TRMT11: variants seen among roughly 807,000 people sequenced by gnomAD.
The protein encoded by TRMT11 is tRNA methyltransferase 11.
In TRMT11, 53 loss-of-function variants were observed where a neutral mutation model predicts 62.8. The ratio of observed to expected loss-of-function variants is 0.84; its 90% CI spans 0.68 to 1.06. The LOEUF (loss-of-function observed/expected upper bound fraction) is 1.06. Ranked by LOEUF, TRMT11 falls within the 50% of genes least tolerant of loss-of-function variation. The probability of loss-of-function intolerance (pLI) is 0.00; values close to 1 mark genes in which losing one functional copy is unlikely to be tolerated. For synonymous variants in TRMT11, 188 were observed against 190.3 expected (o/e 0.99, Z 0.10); for missense variants, 556 against 553.4 (o/e 1.00, Z -0.05).
At chr6:126,211,183 C>G in the TRMT11 span, among the ~76,000 whole-genome samples, 5 of 152,050 alleles carry the variant, frequency 3.3e-5, no homozygotes, top group Non-Finnish European at 4.4e-5. Context: ...ACTGTCTGGT[C>G]CTTAGCATCA....
At chr6:126,080,301 G>C (rs1777134761) in intron 17 of TRMT11, among the ~76,000 whole-genome samples, 1 of 151,832 alleles carries the variant, frequency 6.6e-6, no homozygotes, top group African/African-American at 2.4e-5. Context: ...GGTAGAGAAA[G>C]GGTCTCACTG....
the TRMT11 span, among the ~76,000 whole-genome samples, chr6:126,211,290 T>C: frequency 6.6e-6 from 1 of 152,190 alleles, no homozygotes; most frequent in Non-Finnish European, 1.5e-5. Flanking sequence ...CATTCCATCT[T>C]GGTGCTTTGA....
chr6:126,155,431 C>G lies in TRMT11; in HGVS notation c.*1824-19394C>G, dbSNP rs376633133. ...CAAACATCCAAACTATATCATTCTG[C>G]CTCTGGCCCCTCAAATCTCATATCC... On this transcript the variant is annotated intron_variant and NMD_transcript_variant, in intron 21 of 22. Coordinates refer to the TRMT11 transcript ENST00000648977. 2.9e-4 allele frequency among the ~76,000 whole-genome samples: 44 copies of G among 152,250 alleles called. No homozygotes were observed. The South Asian group carries it at 8.5e-3, about 29-fold the overall frequency.
At position 126,078,646 on chromosome 6, in the gene TRMT11, G is replaced by A. The variant is rs73773354; in HGVS notation, c.*1437+25456G>A. ...TGCTTTGAGGACACACTTGGCCAGT[G>A]CCGTGAGCATGCACGTAGCCCCATC... On this transcript the variant is annotated intron_variant and NMD_transcript_variant, in intron 17 of 22. Coordinates refer to the TRMT11 transcript ENST00000648977. 3.8e-3 allele frequency among the ~76,000 whole-genome samples: 586 copies of A among 152,266 alleles called. 5 individuals carry two copies. The highest frequency in any genetic ancestry group is 0.013 in the African/African-American group (547 of 41,546).
chr6:126,269,287 A>T, the TRMT11 span, among the ~76,000 whole-genome samples: 1 of 145,252 alleles, frequency 6.9e-6, no homozygotes, highest in South Asian at 2.2e-4. Flanking sequence ...AAAAAAAAAA[A>T]ATATGACTGG....
intron 16 of TRMT11, among the ~76,000 whole-genome samples, chr6:126,049,464 A>AT (rs557128074): frequency 4.6e-5 from 7 of 151,466 alleles, no homozygotes; most frequent in South Asian, 2.1e-4. Context: ...AAGAGTGTTA[A>AT]TTTTTTTTTC....
chr6:126,018,965 C>T (rs913977354), intron 11 of TRMT11, among the ~76,000 whole-genome samples: 2 of 152,064 alleles, frequency 1.3e-5, no homozygotes, highest in South Asian at 2.1e-4. Context: ...ACTACAACCT[C>T]CACCTCCCAG....
chr6:126,148,524 G>A (rs1256899640), intron 21 of TRMT11, among the ~76,000 whole-genome samples: 1 of 152,128 alleles, frequency 6.6e-6, no homozygotes, highest in Non-Finnish European at 1.5e-5. Context: ...AAACAGATGT[G>A]GGTTGAAGTT....
At chr6:126,209,663 T>G in the TRMT11 span, among the ~76,000 whole-genome samples, 1 of 151,850 alleles carries the variant, frequency 6.6e-6, no homozygotes, top group Non-Finnish European at 1.5e-5. Flanking sequence ...GAGGCGGAGC[T>G]TGCAGTGAGC....
At chr6:126,239,569 C>T in the TRMT11 span, among the ~76,000 whole-genome samples, 1,444 of 152,268 alleles carry the variant, frequency 9.5e-3, 19 homozygotes, top group African/African-American at 0.031. Context: ...GTTTCTGCGG[C>T]GAGATCAGCT....
At chr6:126,110,793 A>C (rs1454333435) in intron 17 of TRMT11, among the ~76,000 whole-genome samples, 1 of 152,108 alleles carries the variant, frequency 6.6e-6, no homozygotes, top group Non-Finnish European at 1.5e-5. Context: ...TCACATTGCT[A>C]TTTGTATCTA....
At chr6:126,216,221 T>C in the TRMT11 span, among the ~76,000 whole-genome samples, 7 of 152,142 alleles carry the variant, frequency 4.6e-5, no homozygotes, top group Non-Finnish European at 1.0e-4. Context: ...AGAGTCTTTA[T>C]TTCTTCTTCA....
At position 126,050,713 on chromosome 6, in the gene TRMT11, T is replaced by C. The variant is rs1489030343; in HGVS notation, c.*1370-2410T>C. On this transcript the variant is annotated intron_variant and NMD_transcript_variant, in intron 16 of 22. Coordinates refer to the TRMT11 transcript ENST00000648977. ...GATGTGGTCTCAAAAAAAAAAAAAG[T>C]GATTTTGGCAATGGAGTGTAGGATG... Among the ~76,000 whole-genome samples the C allele has an allele frequency of 3.4e-5, 5 of 147,940 alleles. No individual in the cohort carries two copies. The South Asian group carries it at 6.3e-4, about 19-fold the overall frequency.
At chr6:126,159,316 T>C (rs377715364) in intron 21 of TRMT11, among the ~76,000 whole-genome samples, 1 of 152,296 alleles carries the variant, frequency 6.6e-6, no homozygotes, top group Admixed American at 6.5e-5. Flanking sequence ...GGCTTTAGTG[T>C]CATATGGTCT....
At chr6:126,090,409 C>G (rs367973814) in intron 17 of TRMT11, among the ~76,000 whole-genome samples, 1 of 152,166 alleles carries the variant, frequency 6.6e-6, no homozygotes, top group East Asian at 1.9e-4. Flanking sequence ...AAGCCTTCAC[C>G]CTGATCTGAT....
intron 12 of TRMT11, among the ~76,000 whole-genome samples, chr6:126,034,058 T>C (rs1365384461): frequency 6.6e-6 from 1 of 152,096 alleles, no homozygotes; most frequent in Non-Finnish European, 1.5e-5. Flanking sequence ...CAAACTCTAT[T>C]TTGAATGACC....
intron 17 of TRMT11, among the ~76,000 whole-genome samples, chr6:126,059,668 T>C (rs903646916): frequency 9.2e-5 from 14 of 152,224 alleles, no homozygotes; most frequent in African/African-American, 3.4e-4. Flanking sequence ...TCACAAAGCT[T>C]AAGCAACTTG....
chr6:126,135,219 TAAAC>T (rs1777837236), intron 21 of TRMT11, among the ~76,000 whole-genome samples: 1 of 150,020 alleles, frequency 6.7e-6, no homozygotes, highest in Non-Finnish European at 1.5e-5. Context: ...TTTGAAAAAA[TAAAC>T]AAATGGACAA....
intron 21 of TRMT11, among the ~76,000 whole-genome samples, chr6:126,149,287 A>G (rs1583889588): frequency 6.6e-6 from 1 of 152,208 alleles, no homozygotes; most frequent in African/African-American, 2.4e-5. Context: ...TGTTGTAGCT[A>G]CTATGGAGTC....
Sources: gnomAD v4.1 joint callset for allele counts (sites outside exome capture counted in the v4.1 genomes callset) on GRCh38, gnomAD v4.1.1 for gene constraint, MANE v1.5 for transcripts, NCBI Gene and HGNC (gene_info 2026-07-23, HGNC 2026-07-21) for gene names.